RNF214: variants seen among roughly 807,000 people sequenced by gnomAD.
RNF214 encodes the protein ring finger protein 214.
In RNF214, 25 loss-of-function variants were observed where a neutral mutation model predicts 75.9. The ratio of observed to expected loss-of-function variants is 0.33; its 90% CI spans 0.24 to 0.46. The LOEUF (loss-of-function observed/expected upper bound fraction) is 0.46, where lower values mean the gene tolerates loss of function less well. Among genes scored for constraint, RNF214 ranks in the 20% least tolerant of loss-of-function variants. The pLI is 1.00. For missense variants in RNF214, 725 were observed against 857.5 expected (o/e 0.85, Z 1.93); for synonymous variants, 314 against 308.8 (o/e 1.02, Z -0.18).
intron 4 of RNF214, among the ~76,000 whole-genome samples, chr11:117,242,914 T>C (rs2033116859): frequency 1.3e-5 from 2 of 152,206 alleles, no homozygotes; most frequent in Non-Finnish European, 2.9e-5. Flanking sequence ...TCAGAATCTT[T>C]TGGAAACTTT....
chr11:117,250,548 A>T (rs2033344093), intron 6 of RNF214, among the ~76,000 whole-genome samples: 1 of 151,886 alleles, frequency 6.6e-6, no homozygotes, highest in Admixed American at 6.6e-5. Context: ...AAATGCAACA[A>T]CTGGTAAATT....
intron 1 of RNF214, 42 bp from the exon 2 acceptor site, chr11:117,234,225 C>T: frequency 6.9e-7 from 1 of 1,449,868 alleles, no homozygotes; most frequent in Non-Finnish European, 9.7e-7. Flanking sequence ...TTGTTTTAAA[C>T]TTTGGAAACT....
intron 2 of RNF214, among the ~76,000 whole-genome samples, chr11:117,237,713 A>G (rs1044135833): frequency 6.6e-6 from 1 of 152,208 alleles, no homozygotes; most frequent in Admixed American, 6.5e-5. Context: ...TGGCTGTGAC[A>G]AGTGACAGAA....
At chr11:117,264,222 C>G (rs987089972) in intron 6 of RNF214, among the ~76,000 whole-genome samples, 5 of 152,074 alleles carry the variant, frequency 3.3e-5, no homozygotes, top group Non-Finnish European at 5.9e-5. Context: ...ATTTGGGAGG[C>G]TGAGGCAGGA....
intron 3 of RNF214, 26 bp downstream of exon 3, chr11:117,239,137 A>G (rs943066161): frequency 1.9e-6 from 3 of 1,566,524 alleles, no homozygotes; most frequent in African/African-American, 2.7e-5. Context: ...TCTACTACTA[A>G]AATGTAATTG....
At chr11:117,262,046 GT>G (rs543215677) in intron 6 of RNF214, among the ~76,000 whole-genome samples, 18 of 138,422 alleles carry the variant, frequency 1.3e-4, no homozygotes, top group Middle Eastern at 3.7e-3. Flanking sequence ...ATTTGTGTCT[GT>G]TTTTTTTTTT....
intron 6 of RNF214, among the ~76,000 whole-genome samples, chr11:117,267,886 C>A (rs1181977965): frequency 6.6e-6 from 1 of 151,976 alleles, no homozygotes; most frequent in Non-Finnish European, 1.5e-5. Context: ...AAATGAAAAT[C>A]TTCTTGCATC....
At chr11:117,234,440 T>G in intron 2 of RNF214, 61 bp downstream of exon 2, 1 of 1,180,052 alleles carries the variant, frequency 8.5e-7, no homozygotes, top group South Asian at 1.2e-5. Flanking sequence ...GAGATGGTCT[T>G]GTGTAGCTGG....
At chr11:117,236,042 C>T (rs1282879495) in intron 2 of RNF214, among the ~76,000 whole-genome samples, 2 of 151,850 alleles carry the variant, frequency 1.3e-5, no homozygotes, top group Non-Finnish European at 1.5e-5. Context: ...CTCACTGCGA[C>T]CTCTGCCTCC....
chr11:117,238,887 A>G lies in RNF214; in HGVS notation c.394A>G (p.Thr132Ala). 6.2e-7 allele frequency: 1 copy of G among 1,614,048 alleles called. No homozygotes were observed. The highest frequency in any genetic ancestry group is 8.5e-7 in the Non-Finnish European group (1 of 1,180,018). The change falls in exon 3 of 15, where the codon ACT becomes GCT. Residue 132 changes from threonine (T) to alanine (A), a missense_variant. This residue lies in a region of RNF214 where 362 missense variants were observed against 344.5 expected (regional missense o/e 1.05). Transcript: ENST00000300650. Reference sequence around the variant, plus strand: ...CCTTCGGGAGAGCCTCCATCCAGTCACTCGGTCTCTTAAGGCAGGGTGCCA... The same window carrying G: ...CCTTCGGGAGAGCCTCCATCCAGTCGCTCGGTCTCTTAAGGCAGGGTGCCA... ...TSLRESLHPV[T>A]RSLKAGCHTK...
chr11:117,239,786 T>C lies in RNF214; in HGVS notation c.619-15T>C. ...GTCTCTGAACGATTCTAAATATAAC[T>C]TTTTTCCTTTATAGACTGACTTTAA... On this transcript the variant is annotated splice_polypyrimidine_tract_variant and intron_variant, in intron 3 of 14. Coordinates refer to ENST00000300650, the MANE Select transcript of RNF214 (RefSeq NM_207343.4). The C allele has an allele frequency of 6.9e-7, 1 of 1,454,062 alleles. No individual in the cohort carries two copies. The highest frequency in any genetic ancestry group is 1.1e-5 in the South Asian group (1 of 87,536). 90.1% of individuals were successfully genotyped at this position (1,454,062 alleles called of 1,614,324 possible).
intron 2 of RNF214, among the ~76,000 whole-genome samples, chr11:117,235,298 G>A (rs939925172): frequency 6.6e-6 from 1 of 151,626 alleles, no homozygotes; most frequent in Non-Finnish European, 1.5e-5. Flanking sequence ...CCGGGTTTAT[G>A]CCGTTCTCCT....
At chr11:117,239,680 G>A in intron 3 of RNF214, 121 bp from the exon 4 acceptor site, 1 of 675,058 alleles carries the variant, frequency 1.5e-6, no homozygotes. Context: ...AGCTTGCTTG[G>A]AAGCTGGTAA....
chr11:117,281,843 ACTTT>A (rs2034133472), intron 10 of RNF214, 47 bp from the exon 11 acceptor site: 1 of 1,587,382 alleles, frequency 6.3e-7, no homozygotes, highest in Admixed American at 1.8e-5. Context: ...AGTTTCCTAA[ACTTT>A]CTTTTTCTTC....
intron 6 of RNF214, among the ~76,000 whole-genome samples, chr11:117,252,779 C>T (rs776398606): frequency 6.6e-6 from 1 of 152,160 alleles, no homozygotes; most frequent in Non-Finnish European, 1.5e-5. Flanking sequence ...CTTGGCCTCC[C>T]AAAGTGCTGG....
chr11:117,259,608 G>GT (rs2033608970), intron 6 of RNF214, among the ~76,000 whole-genome samples: 1 of 152,228 alleles, frequency 6.6e-6, no homozygotes, highest in African/African-American at 2.4e-5. Context: ...CATTGTGTGT[G>GT]TTTTTTATTT....
chr11:117,247,321 C>T (rs186041214), intron 6 of RNF214, among the ~76,000 whole-genome samples: 2,392 of 151,968 alleles, frequency 0.016, 20 homozygotes, highest in Non-Finnish European at 0.024. Flanking sequence ...AAGACCCCCT[C>T]TCTACAAAAA....
intron 6 of RNF214, among the ~76,000 whole-genome samples, chr11:117,247,361 G>C (rs919673555): frequency 6.6e-6 from 1 of 152,140 alleles, no homozygotes; most frequent in Non-Finnish European, 1.5e-5. Context: ...TGGTTGTGGT[G>C]GCACGTGGCT....
chr11:117,237,341 A>C (rs2032937035), intron 2 of RNF214, among the ~76,000 whole-genome samples: 1 of 152,186 alleles, frequency 6.6e-6, no homozygotes, highest in African/African-American at 2.4e-5. Context: ...TTGACCTCCC[A>C]AAGTGTTGGG....
Sources: gnomAD v4.1 joint callset for allele counts (sites outside exome capture counted in the v4.1 genomes callset) on GRCh38, gnomAD v4.1.1 for gene constraint, gnomAD v4.1.1 regional missense constraint, MANE v1.5 for transcripts, NCBI Gene and HGNC (gene_info 2026-07-23, HGNC 2026-07-21) for gene names.